Variants in TENM1 observed in about 807,000 individuals in gnomAD.
The protein encoded by TENM1 is teneurin transmembrane protein 1, also known as teneurin-1.
A neutral mutation model predicts 174.8 loss-of-function variants in TENM1; 35 were observed. The observed-to-expected ratio is 0.20, with a 90% confidence interval of 0.15 to 0.27. TENM1 has a LOEUF of 0.27. Among genes scored for constraint, TENM1 ranks in the 10% least tolerant of loss-of-function variants. TENM1 has a pLI of 1.00. For synonymous variants in TENM1, 781 were observed against 798.7 expected, an observed-to-expected ratio of 0.98 and a Z score of 0.37; for missense variants, 1,633 against 2,130.1, an observed-to-expected ratio of 0.77 and a Z score of 4.59.
chrX:124,817,718 A>AT (rs1369764833), intron 3 of TENM1, among the ~76,000 whole-genome samples: 2 of 111,879 alleles, frequency 1.8e-5, no homozygotes, highest in African/African-American at 6.5e-5. Context: ...ACTATGCTCT[A>AT]TTTACTGGCT....
At chrX:124,565,414 C>G in exon 12 of TENM1, 1 of 1,208,509 alleles carries the variant, frequency 8.3e-7, no homozygotes, top group East Asian at 3.0e-5. Flanking sequence ...GGGCTACACT[C>G]ACATTTTCCA....
the TENM1 span, among the ~76,000 whole-genome samples, chrX:125,149,700 A>C: frequency 1.8e-5 from 2 of 111,907 alleles, no homozygotes; most frequent in Non-Finnish European, 1.9e-5. Context: ...GAAGAGATGG[A>C]TATTGCGATC....
intron 11 of TENM1, among the ~76,000 whole-genome samples, chrX:124,602,844 C>A (rs139654127): frequency 3.6e-5 from 4 of 111,258 alleles, no homozygotes; most frequent in African/African-American, 1.3e-4. Flanking sequence ...TTAAATGGTA[C>A]GTCCTTGTCA....
chrX:124,926,646 A>G (rs929891430), intron 1 of TENM1, among the ~76,000 whole-genome samples: 9 of 111,853 alleles, frequency 8.0e-5, no homozygotes, highest in African/African-American at 2.9e-4. Flanking sequence ...GGATAGATAG[A>G]TTAATGATTT....
Position 124,430,840 on chromosome X carries a change from T to C in TENM1, c.4105-8202A>G, listed in dbSNP as rs149910313. Among the ~76,000 whole-genome samples, 731 of 112,218 alleles carry C rather than the reference T, an allele frequency of 6.5e-3. 3 individuals are homozygous for C. Among genetic ancestry groups the C allele is most frequent in the Non-Finnish European group, 0.011 (581 of 53,229 alleles). On this transcript the variant is annotated intron_variant, in intron 23 of 31. Transcript: ENST00000422452. ...CTGTCAGCCAATTTCATGGCTAATA[T>C]TTTAGCTTATTACTTGAACTCCCCA...
At chrX:125,112,288 C>T in the TENM1 span, among the ~76,000 whole-genome samples, 2 of 108,488 alleles carry the variant, frequency 1.8e-5, no homozygotes, top group Non-Finnish European at 3.8e-5. Flanking sequence ...ATATTGGGCT[C>T]GAGATGTAGG....
intron 29 of TENM1, 42 bp downstream of exon 32, chrX:124,385,635 T>C (rs758394974): frequency 5.3e-6 from 6 of 1,136,489 alleles, no homozygotes; most frequent in African/African-American, 1.8e-5. Flanking sequence ...CATAAGAAAA[T>C]AGTGATGTTG....
At chrX:124,392,224 C>G in exon 28 of TENM1, 1 of 1,211,139 alleles carries the variant, frequency 8.3e-7, no homozygotes. Flanking sequence ...TACAGGAGAC[C>G]ACAGAATGGG....
chrX:124,471,760 C>G (rs1032625036), intron 22 of TENM1, among the ~76,000 whole-genome samples: 43 of 89,105 alleles, frequency 4.8e-4, no homozygotes, highest in African/African-American at 1.8e-3. Flanking sequence ...ATAATATATA[C>G]TTATATAATA....
chrX:124,504,372 A>T (rs188229726), intron 18 of TENM1, among the ~76,000 whole-genome samples: 1 of 112,165 alleles, frequency 8.9e-6, no homozygotes, highest in Non-Finnish European at 1.9e-5. Context: ...TGCAGCACAG[A>T]TGTTGTACAT....
At chrX:124,722,666 C>T (rs141786151) in intron 4 of TENM1, among the ~76,000 whole-genome samples, 1,868 of 108,496 alleles carry the variant, frequency 0.017, 36 homozygotes, top group African/African-American at 0.059. Context: ...TGGTGAAACC[C>T]TGTCCCTACT....
At chrX:124,451,974 T>C (rs1213700493) in intron 23 of TENM1, among the ~76,000 whole-genome samples, 3 of 112,176 alleles carry the variant, frequency 2.7e-5, no homozygotes, top group East Asian at 2.8e-4. Context: ...AAGGACTTCA[T>C]GTCTAAAACA....
chrX:124,599,927 G>T (rs2049989276), intron 11 of TENM1, among the ~76,000 whole-genome samples: 1 of 110,210 alleles, frequency 9.1e-6, no homozygotes, highest in Non-Finnish European at 1.9e-5. Context: ...AACTGGAGTT[G>T]GAGGTAATAA....
chrX:125,141,639 T>C, the TENM1 span, among the ~76,000 whole-genome samples: 61 of 110,924 alleles, frequency 5.5e-4, no homozygotes, highest in Middle Eastern at 4.7e-3. Flanking sequence ...GAGAGAAGCA[T>C]AACAGAAGAG....
At chrX:124,412,478 C>T (rs2060548133) in intron 25 of TENM1, among the ~76,000 whole-genome samples, 1 of 112,080 alleles carries the variant, frequency 8.9e-6, no homozygotes. Context: ...AAACTAGAGG[C>T]TCCCACACCT....
At chrX:124,478,781 T>G (rs2046786678) in intron 22 of TENM1, among the ~76,000 whole-genome samples, 1 of 111,957 alleles carries the variant, frequency 8.9e-6, no homozygotes, top group African/African-American at 3.2e-5. Flanking sequence ...ATCTACTAAG[T>G]GGAAGGAAGA....
intron 5 of TENM1, among the ~76,000 whole-genome samples, chrX:124,689,907 A>G (rs919069862): frequency 1.8e-5 from 2 of 111,284 alleles, no homozygotes; most frequent in Admixed American, 1.9e-4. Flanking sequence ...TGTCTCTCTC[A>G]AAATATCTTA....
intron 1 of TENM1, among the ~76,000 whole-genome samples, chrX:124,939,555 C>T (rs914844240): frequency 4.5e-5 from 5 of 111,737 alleles, no homozygotes; most frequent in African/African-American, 1.6e-4. Flanking sequence ...TAAGAAAAGG[C>T]ACTTGATTTG....
At chrX:124,993,767 T>C in the TENM1 span, among the ~76,000 whole-genome samples, 6 of 110,999 alleles carry the variant, frequency 5.4e-5, no homozygotes, top group Admixed American at 9.6e-5. Flanking sequence ...AAGTAGATTA[T>C]AATATTTACT....
Sources: allele counts gnomAD v4.1 joint callset (sites outside exome capture counted in the v4.1 genomes callset), GRCh38; gene constraint gnomAD v4.1.1; transcripts MANE v1.5; gene names NCBI Gene and HGNC (gene_info 2026-07-23, HGNC 2026-07-21).